CYB561: variants seen among roughly 807,000 people sequenced by gnomAD.
CYB561 encodes the protein cytochrome b561.
In CYB561, 11 loss-of-function variants were observed where a neutral mutation model predicts 25.3. The ratio of observed to expected loss-of-function variants is 0.44; its 90% CI spans 0.27 to 0.72. The LOEUF is 0.72. CYB561 is among the 30% of genes least tolerant of loss of function. CYB561 has a pLI of 0.18. For synonymous variants in CYB561, 165 were observed against 158.8 expected (o/e 1.04, Z -0.29); for missense variants, 295 against 334.9 (o/e 0.88, Z 0.93).
In CYB561 at chr17:63,434,345, C is replaced by T; in HGVS notation, c.*57G>A. 6.9e-7 allele frequency: 1 copy of T among 1,455,976 alleles called. No homozygotes were observed. The allele number at this position is 1,455,976 out of a possible 1,614,324, so 90.2% of individuals were successfully genotyped here. On this transcript the variant is annotated 3_prime_UTR_variant, in exon 6 of 6. Coordinates refer to ENST00000360793, the MANE Select transcript of CYB561 (RefSeq NM_001915.4). ...TCCGGAGCCTGCAGTCCTGAAGACG[C>T]CTCAGCAGGGGCAGGCAAGAAGACA...
intron 1 of CYB561, chr17:63,445,822 C>CAAA (rs1332445085): frequency 3.9e-5 from 6 of 152,314 alleles, no homozygotes; most frequent in Non-Finnish European, 7.3e-5. Context: ...CTGCTCGGGG[C>CAAA]AAGAGGCGGT....
Position 63,434,200 on chromosome 17 carries a change from A to G in CYB561, c.*202T>C, listed in dbSNP as rs2049266338. The stretch of plus-strand genomic sequence containing the variant: ...AACAGAGACACGGGAGCCACACACA[A>G]TGAACTGGTCTATAGCAGCGGAGAA... On this transcript the variant is annotated 3_prime_UTR_variant, in exon 6 of 6. Transcript: ENST00000360793. The G allele has an allele frequency of 1.1e-5, 6 of 566,294 alleles. No individual in the cohort carries two copies. Among genetic ancestry groups the G allele is most frequent in the Non-Finnish European group, 1.3e-5 (4 of 317,956 alleles). The allele number at this position is 566,294 out of a possible 1,614,324, so 35.1% of individuals were successfully genotyped here. A position where few individuals can be genotyped will look rare whatever the true frequency, so the allele number is the denominator to read the frequency against.
At chr17:63,435,983 A>C (rs997082720) in intron 3 of CYB561, 71 bp downstream of exon 3, 2 of 1,611,510 alleles carry the variant, frequency 1.2e-6, no homozygotes, top group South Asian at 1.1e-5. Flanking sequence ...GGAACAGAGC[A>C]GGTGAAGCGG....
At chr17:63,444,672 G>C (rs998062923) in intron 1 of CYB561, among the ~76,000 whole-genome samples, 1 of 152,210 alleles carries the variant, frequency 6.6e-6, no homozygotes, top group Non-Finnish European at 1.5e-5. Context: ...ACACAGGATG[G>C]TCTGCTTTTA....
chr17:63,438,311 C>T, intron 1 of CYB561: 1 of 1,048,948 alleles, frequency 9.5e-7, no homozygotes, highest in Non-Finnish European at 1.4e-6. Flanking sequence ...AGGGGCTGGT[C>T]ACACCTTTTC....
chr17:63,436,396 C>T lies in CYB561; in HGVS notation c.203-244G>A, dbSNP rs538484661. The T allele has an allele frequency of 2.3e-5, 11 of 483,622 alleles. No homozygotes were observed. Among genetic ancestry groups the T allele is most frequent in the Middle Eastern group, 5.7e-4 (1 of 1,762 alleles). The allele number at this position is 483,622 out of a possible 1,614,324, so 30.0% of individuals were successfully genotyped here. ...CCCTCCCCCACCCTCCAACCTCCCC[C>T]AGCTGTGCACAAAGAGGGCAGGGCC... On this transcript the variant is annotated intron_variant, in intron 2 of 5. Coordinates refer to ENST00000360793, the MANE Select transcript of CYB561 (RefSeq NM_001915.4). This position sits in a 1 kb window ranked among gnomAD's most constrained non-coding sequence, Gnocchi z 4.8.
chr17:63,435,775 G>A lies in CYB561; in HGVS notation c.318C>T (p.Phe106=), dbSNP rs148408441. ...CGTAGCCCTTCTTCCTGTGGTAGTC[G>A]AACACCGCCACCAAGCCTGGGCCAG... ...VIALVGLVAV[F]DYHRKKGYAD... is the part of the protein sequence containing the mutation. The change falls in exon 4 of 6, where the codon TTC becomes TTT. Residue 106 remains phenylalanine, a synonymous_variant. Transcript: ENST00000360793. 332 of 1,614,146 alleles carry A rather than the reference G, an allele frequency of 2.1e-4. 1 individual carries two copies. Among genetic ancestry groups the A allele is most frequent in the Non-Finnish European group, 2.6e-4 (304 of 1,179,988 alleles).
intron 2 of CYB561, chr17:63,437,036 C>T (rs1057468551): frequency 8.9e-6 from 4 of 451,606 alleles, no homozygotes; most frequent in African/African-American, 3.9e-5. Flanking sequence ...TTCAAACCAC[C>T]CCTGCAGCAG....
intron 1 of CYB561, chr17:63,437,766 T>A (rs1350925237): frequency 2.9e-6 from 1 of 339,046 alleles, no homozygotes; most frequent in African/African-American, 3.6e-5. Flanking sequence ...CCGCCCCTGC[T>A]AGATGCGCGC....
Position 63,436,361 on chromosome 17 carries a change from A to C in CYB561, c.203-209T>G, listed in dbSNP as rs1341226808. On this transcript the variant is annotated intron_variant, in intron 2 of 5. Transcript: ENST00000360793. This position sits in a 1 kb window ranked among gnomAD's most constrained non-coding sequence, Gnocchi z 4.8. Reference sequence around the variant, plus strand: ...TCTGAGGGCACCTAGGGCTGTGTGCACCTTAACACCCCTCCCCCACCCTCC... The same window carrying C: ...TCTGAGGGCACCTAGGGCTGTGTGCCCCTTAACACCCCTCCCCCACCCTCC... 1.3e-5 allele frequency among the ~76,000 whole-genome samples: 2 copies of C among 151,892 alleles called. No homozygotes were observed. Among genetic ancestry groups the C allele is most frequent in the Non-Finnish European group, 2.9e-5 (2 of 67,944 alleles).
At position 63,434,186 on chromosome 17, in the gene CYB561, G is replaced by A. The variant is rs534278700; in HGVS notation, c.*216C>T. On this transcript the variant is annotated 3_prime_UTR_variant, in exon 6 of 6. Transcript: ENST00000360793. ...GCACTGAAGGGGGCAACAGAGACACGGGAGCCACACACAATGAACTGGTCT... is the reference window on the plus strand; with the variant it reads ...GCACTGAAGGGGGCAACAGAGACACAGGAGCCACACACAATGAACTGGTCT... 3.7e-4 allele frequency: 199 copies of A among 534,548 alleles called. 1 individual carries two copies. The highest frequency in any genetic ancestry group is 9.9e-4 in the Middle Eastern group (2 of 2,030). The allele number at this position is 534,548 out of a possible 1,614,324, so 33.1% of individuals were successfully genotyped here.
chr17:63,433,527 A>T lies in CYB561; in HGVS notation c.*875T>A, dbSNP rs2049257646. On this transcript the variant is annotated 3_prime_UTR_variant, in exon 6 of 6. Transcript: ENST00000360793. ...AGCCAGCAGCAGCGGTTTTTCATTT[A>T]AAAAATTATAAGGTTTGTGCCCTCT... 1 of 394,958 alleles carries T rather than the reference A, an allele frequency of 2.5e-6. No homozygotes were observed. The highest frequency in any genetic ancestry group is 4.5e-6 in the Non-Finnish European group (1 of 223,926). The allele number at this position is 394,958 out of a possible 1,614,324, so 24.5% of individuals were successfully genotyped here.
At chr17:63,440,178 C>T (rs1028659291) in intron 1 of CYB561, 4 of 398,652 alleles carry the variant, frequency 1.0e-5, no homozygotes, top group African/African-American at 8.2e-5. Context: ...TGACGGTTCA[C>T]TACTCATCTC....
At position 63,435,284 on chromosome 17, in the gene CYB561, G is replaced by A. The variant is rs761311428; in HGVS notation, c.406-41C>T. The A allele has an allele frequency of 3.7e-6, 6 of 1,600,626 alleles. No homozygotes were observed. The South Asian group carries it at 5.6e-5, about 15-fold the overall frequency. The stretch of plus-strand genomic sequence containing the variant: ...AGACGGTTCCGGGACAGGGCGGCCG[G>A]ACACCCCAGCAGCCGAGGTCGGCCA... On this transcript the variant is annotated intron_variant, in intron 4 of 5. Transcript: ENST00000360793.
intron 1 of CYB561, 79 bp downstream of exon 1, chr17:63,446,166 G>A (rs1161567761): frequency 6.6e-6 from 1 of 152,156 alleles, no homozygotes; most frequent in East Asian, 1.9e-4. Context: ...GTCCCTCCCT[G>A]CGCAGTCAGG....
At chr17:63,434,974 T>C in intron 5 of CYB561, 112 bp downstream of exon 5, 2 of 1,167,136 alleles carry the variant, frequency 1.7e-6, no homozygotes, top group South Asian at 3.1e-5. Flanking sequence ...CAGCCACCAG[T>C]TGTGACGCCA....
intron 1 of CYB561, among the ~76,000 whole-genome samples, chr17:63,442,134 A>G (rs2049381248): frequency 6.6e-6 from 1 of 152,192 alleles, no homozygotes; most frequent in African/African-American, 2.4e-5. Context: ...GTAAGGATGA[A>G]AGGAAAGCCC....
chr17:63,434,821 C>T (rs774869315), intron 5 of CYB561, among the ~76,000 whole-genome samples: 17 of 152,224 alleles, frequency 1.1e-4, no homozygotes, highest in Non-Finnish European at 2.9e-5. Context: ...AATATTCTAG[C>T]TCTAAGCAGT....
In CYB561 at chr17:63,437,025, A is replaced by G. The variant is rs574460656; in HGVS notation, c.202+321T>C. On this transcript the variant is annotated intron_variant, in intron 2 of 5. Coordinates refer to ENST00000360793, the MANE Select transcript of CYB561 (RefSeq NM_001915.4). ...ACATATGATTACTTTTTTTCCCTCA[A>G]TTCAAACCACCCCTGCAGCAGGGCC... 242 of 411,486 alleles carry G rather than the reference A, an allele frequency of 5.9e-4. 1 individual carries two copies. The highest frequency in any genetic ancestry group is 9.1e-4 in the Non-Finnish European group (206 of 226,440). The allele number at this position is 411,486 out of a possible 1,614,324, so 25.5% of individuals were successfully genotyped here.
Sources: allele counts gnomAD v4.1 joint callset (sites outside exome capture counted in the v4.1 genomes callset), GRCh38; gene constraint gnomAD v4.1.1; non-coding constraint Gnocchi (gnomAD v3.1); transcripts MANE v1.5; gene names NCBI Gene and HGNC (gene_info 2026-07-23, HGNC 2026-07-21).